Variants in HTR1F observed in about 807,000 individuals in gnomAD.
The protein encoded by HTR1F is 5-hydroxytryptamine receptor 1F, also known as 5-hydroxytryptamine (serotonin) receptor 1F, G protein-coupled.
In HTR1F, 17 loss-of-function variants were observed where a neutral mutation model predicts 24.0. The observed-to-expected ratio is 0.71, with a 90% CI of 0.48 to 1.06. The LOEUF (loss-of-function observed/expected upper bound fraction) is 1.06. Ranked by LOEUF, HTR1F falls within the 50% of genes least tolerant of loss-of-function variation. HTR1F has a pLI of 0.00. For missense variants in HTR1F, 391 were observed against 427.8 expected, an observed-to-expected ratio of 0.91 and a Z score of 0.76; for synonymous variants, 186 against 156.8, an observed-to-expected ratio of 1.19 and a Z score of -1.39.
At chr3:87,882,029 C>A (rs1027726020) in intron 2 of HTR1F, among the ~76,000 whole-genome samples, 1 of 152,062 alleles carries the variant, frequency 6.6e-6, no homozygotes, top group Non-Finnish European at 1.5e-5. Flanking sequence ...AACAAACAAC[C>A]CCATCAAAAA....
intron 2 of HTR1F, among the ~76,000 whole-genome samples, chr3:87,914,924 A>G (rs774807451): frequency 4.0e-5 from 6 of 151,850 alleles, no homozygotes; most frequent in Non-Finnish European, 7.4e-5. Context: ...TAAGCTAAGA[A>G]CCCTCACAGA....
At chr3:87,916,016 A>G (rs914730527) in intron 2 of HTR1F, among the ~76,000 whole-genome samples, 6 of 152,184 alleles carry the variant, frequency 3.9e-5, no homozygotes, top group Admixed American at 6.6e-5. Flanking sequence ...TTCTCAGCAG[A>G]ATCCTTATAA....
chr3:87,868,686 C>G (rs184979695), intron 2 of HTR1F, among the ~76,000 whole-genome samples: 1 of 151,496 alleles, frequency 6.6e-6, no homozygotes, highest in Non-Finnish European at 1.5e-5. Flanking sequence ...AGAGAAAAAC[C>G]TCTGTCTACT....
intron 2 of HTR1F, among the ~76,000 whole-genome samples, chr3:87,894,919 A>T (rs1313349788): frequency 6.6e-6 from 1 of 152,190 alleles, no homozygotes; most frequent in Non-Finnish European, 1.5e-5. Context: ...ATAATAGTGT[A>T]TACAGCACTG....
At chr3:87,885,510 G>C (rs554860649) in intron 2 of HTR1F, among the ~76,000 whole-genome samples, 2 of 152,120 alleles carry the variant, frequency 1.3e-5, no homozygotes, top group South Asian at 4.2e-4. Context: ...AACTGAAGGA[G>C]ATAGAGACAC....
chr3:87,829,902 A>G (rs1407147736), intron 2 of HTR1F, among the ~76,000 whole-genome samples: 2 of 152,230 alleles, frequency 1.3e-5, no homozygotes, highest in African/African-American at 2.4e-5. Flanking sequence ...AATATTTGCA[A>G]CAGAAGCATG....
At chr3:87,883,678 C>G (rs575401613) in intron 2 of HTR1F, among the ~76,000 whole-genome samples, 2 of 152,192 alleles carry the variant, frequency 1.3e-5, no homozygotes, top group East Asian at 3.9e-4. Flanking sequence ...AACCATGGCA[C>G]GAGAACTACG....
At chr3:87,842,345 G>A (rs946203452) in intron 2 of HTR1F, among the ~76,000 whole-genome samples, 3 of 151,604 alleles carry the variant, frequency 2.0e-5, no homozygotes, top group South Asian at 2.1e-4. Flanking sequence ...TGTATTTTTA[G>A]TAGAGACTTG....
chr3:87,939,407 G>C (rs1355141871), intron 2 of HTR1F, among the ~76,000 whole-genome samples: 1 of 152,146 alleles, frequency 6.6e-6, no homozygotes, highest in African/African-American at 2.4e-5. Context: ...TTAGGGAGGA[G>C]TCCCTCTTTC....
rs1484310379 is a variant in HTR1F at position 87,872,447 on chromosome 3, CAG to C, written c.-43+50325_-43+50326del. Among the ~76,000 whole-genome samples the C allele has an allele frequency of 2.0e-5, 3 of 151,832 alleles. No individual in the cohort carries two copies. The East Asian group carries it at 5.8e-4, about 29-fold the overall frequency. ...GAAATTAAAGCAGAAAAAGGTGAAA[CAG>C]AATAGAAAAAGTGATACAAAATAAA... is the stretch of plus-strand genomic sequence containing the variant. On this transcript the variant is annotated intron_variant, in intron 2 of 2. Coordinates refer to ENST00000319595, the MANE Select transcript of HTR1F (RefSeq NM_001322209.2).
chr3:87,846,152 G>C (rs1205461068), intron 2 of HTR1F, among the ~76,000 whole-genome samples: 7 of 151,978 alleles, frequency 4.6e-5, no homozygotes, highest in Admixed American at 2.0e-4. Context: ...AGTAGTATGG[G>C]CCGGGTGCGG....
intron 2 of HTR1F, among the ~76,000 whole-genome samples, chr3:87,837,142 CT>C (rs1559599904): frequency 2.0e-5 from 3 of 151,572 alleles, no homozygotes; most frequent in Non-Finnish European, 2.9e-5. Flanking sequence ...ATTAAATAGG[CT>C]TTTTTTTAGT....
intron 2 of HTR1F, among the ~76,000 whole-genome samples, chr3:87,940,457 C>T (rs1308045945): frequency 6.6e-6 from 1 of 152,120 alleles, no homozygotes; most frequent in East Asian, 1.9e-4. Flanking sequence ...TGTGAAGGAC[C>T]TCTTCGAAGA....
At chr3:87,831,339 T>C (rs908209191) in intron 2 of HTR1F, among the ~76,000 whole-genome samples, 1 of 26,442 alleles carries the variant, frequency 3.8e-5, no homozygotes, top group South Asian at 2.2e-3. Context: ...AAATTATTAT[T>C]ATTATTATTA....
intron 2 of HTR1F, among the ~76,000 whole-genome samples, chr3:87,869,384 GACAA>G (rs144352171): frequency 0.042 from 5,712 of 136,440 alleles, 366 homozygotes; most frequent in African/African-American, 0.15. Flanking sequence ...TAGATAGATA[GACAA>G]ACAGATAGAT....
Position 87,990,757 on chromosome 3 carries a change from T to G in HTR1F, c.8T>G (p.Phe3Cys). 1 of 1,607,960 alleles carries G rather than the reference T, an allele frequency of 6.2e-7. No homozygotes were observed. The highest frequency in any genetic ancestry group is 8.5e-7 in the Non-Finnish European group (1 of 1,175,392). MD[F>C]LNSSDQNLTS... ...TCTTTTAAAACAAAGAAAATGGATT[T>G]CTTAAATTCATCTGATCAAAACTTG... Residue 3 changes from phenylalanine (F) to cysteine (C), a missense_variant, in exon 3 of 3, where the codon TTC (phenylalanine) becomes TGC (cysteine). Phe to Cys is a radical substitution (Grantham distance 205). Transcript: ENST00000319595.
At chr3:87,900,969 T>A (rs1055628734) in intron 2 of HTR1F, among the ~76,000 whole-genome samples, 11 of 152,034 alleles carry the variant, frequency 7.2e-5, no homozygotes, top group African/African-American at 2.7e-4. Context: ...ACATACATAG[T>A]AAGAAATGCC....
chr3:87,804,228 A>G (rs889650648), intron 1 of HTR1F, among the ~76,000 whole-genome samples: 1 of 152,136 alleles, frequency 6.6e-6, no homozygotes, highest in South Asian at 2.1e-4. Flanking sequence ...TATTTTAATA[A>G]CATTTTCTTC....
chr3:87,843,900 GC>G (rs1310540521), intron 2 of HTR1F, among the ~76,000 whole-genome samples: 4 of 151,512 alleles, frequency 2.6e-5, no homozygotes, highest in Admixed American at 2.0e-4. Flanking sequence ...GTGTATATGC[GC>G]CACATTTTCT....
Sources: allele counts gnomAD v4.1 joint callset (sites outside exome capture counted in the v4.1 genomes callset), GRCh38; gene constraint gnomAD v4.1.1; transcripts MANE v1.5; gene names NCBI Gene and HGNC (gene_info 2026-07-23, HGNC 2026-07-21).